Variants in SLC23A2 observed in about 807,000 individuals in gnomAD.
The protein encoded by SLC23A2 is solute carrier family 23 member 2.
In SLC23A2, 36 loss-of-function variants were observed where a neutral mutation model predicts 73.3. The observed-to-expected ratio is 0.49, with a 90% CI of 0.38 to 0.65. The LOEUF (loss-of-function observed/expected upper bound fraction) is 0.65, where lower values mean the gene tolerates loss of function less well. Among genes scored for constraint, SLC23A2 ranks in the 30% least tolerant of loss-of-function variants. SLC23A2 has a pLI of 0.00. For synonymous variants in SLC23A2, 343 were observed against 327.3 expected, an observed-to-expected ratio of 1.05 and a Z score of -0.52; for missense variants, 507 against 841.6, an observed-to-expected ratio of 0.60 and a Z score of 4.92.
chr20:5,006,705 T>G (rs1424058071), intron 1 of SLC23A2, among the ~76,000 whole-genome samples: 1 of 151,586 alleles, frequency 6.6e-6, no homozygotes, highest in Non-Finnish European at 1.5e-5. Flanking sequence ...CACCCCCCAC[T>G]AATTTTTGTA....
chr20:4,864,546 A>G (rs1930117769), intron 13 of SLC23A2, among the ~76,000 whole-genome samples: 1 of 152,246 alleles, frequency 6.6e-6, no homozygotes, highest in African/African-American at 2.4e-5. Flanking sequence ...TTACTATGGA[A>G]TAAGGAAGGC....
intron 4 of SLC23A2, among the ~76,000 whole-genome samples, chr20:4,910,672 G>A (rs887549283): frequency 1.3e-5 from 2 of 152,128 alleles, no homozygotes; most frequent in Admixed American, 6.5e-5. Context: ...CTGACCTCAA[G>A]TGATCCACCC....
chr20:4,995,993 G>A (rs954906100), intron 1 of SLC23A2, among the ~76,000 whole-genome samples: 31 of 152,166 alleles, frequency 2.0e-4, no homozygotes, highest in African/African-American at 7.5e-4. Flanking sequence ...TAATGGAACA[G>A]AATTCAAGAC....
At chr20:4,957,198 T>C (rs1286176496) in intron 2 of SLC23A2, among the ~76,000 whole-genome samples, 2 of 152,164 alleles carry the variant, frequency 1.3e-5, no homozygotes, top group Admixed American at 1.3e-4. Context: ...CTTATGCTTA[T>C]AATCCCAGTG....
At chr20:4,904,689 G>C (rs1931873561) in intron 4 of SLC23A2, among the ~76,000 whole-genome samples, 1 of 152,198 alleles carries the variant, frequency 6.6e-6, no homozygotes, top group African/African-American at 2.4e-5. Context: ...ACATGACAAA[G>C]TATTTCATAA....
intron 4 of SLC23A2, among the ~76,000 whole-genome samples, chr20:4,910,595 C>T (rs1000082995): frequency 6.6e-6 from 1 of 152,078 alleles, no homozygotes; most frequent in African/African-American, 2.4e-5. Flanking sequence ...GACACCCCTC[C>T]TGGCTAATTT....
chr20:4,895,785 C>T (rs1213846724), intron 6 of SLC23A2, among the ~76,000 whole-genome samples: 9 of 152,224 alleles, frequency 5.9e-5, no homozygotes, highest in Non-Finnish European at 8.8e-5. Flanking sequence ...CAGTATTGAT[C>T]TTGGTGAGCA....
chr20:4,890,817 A>G (rs1280671615), intron 6 of SLC23A2, among the ~76,000 whole-genome samples: 1 of 152,212 alleles, frequency 6.6e-6, no homozygotes, highest in Non-Finnish European at 1.5e-5. Flanking sequence ...ATGTGATTGT[A>G]CACATGGGTA....
At chr20:4,984,466 T>C (rs1009673328) in intron 1 of SLC23A2, among the ~76,000 whole-genome samples, 2 of 151,100 alleles carry the variant, frequency 1.3e-5, no homozygotes, top group Admixed American at 6.6e-5. Flanking sequence ...CGCAGGAGAA[T>C]GGCATGAACC....
At chr20:4,960,871 A>G (rs943904440) in intron 2 of SLC23A2, among the ~76,000 whole-genome samples, 1 of 152,218 alleles carries the variant, frequency 6.6e-6, no homozygotes, top group Non-Finnish European at 1.5e-5. Flanking sequence ...TCTAGCAGGT[A>G]AGTTTTCATT....
At chr20:4,957,608 A>G (rs1187275953) in intron 2 of SLC23A2, among the ~76,000 whole-genome samples, 1 of 151,634 alleles carries the variant, frequency 6.6e-6, no homozygotes, top group Non-Finnish European at 1.5e-5. Flanking sequence ...GAAAAGAAAA[A>G]AAACCCAACA....
intron 1 of SLC23A2, among the ~76,000 whole-genome samples, chr20:4,995,493 T>A (rs943445354): frequency 1.3e-5 from 2 of 152,206 alleles, no homozygotes; most frequent in African/African-American, 4.8e-5. Context: ...CTGACCCCCA[T>A]CACATCCTCA....
At chr20:4,926,228 C>G (rs917420616) in intron 3 of SLC23A2, among the ~76,000 whole-genome samples, 3 of 152,230 alleles carry the variant, frequency 2.0e-5, no homozygotes, top group African/African-American at 7.2e-5. Flanking sequence ...ATAATCTACT[C>G]TTGATACCCA....
In SLC23A2 at chr20:4,998,718, C is replaced by G. The variant is rs6053027; in HGVS notation, c.-282+2688G>C. Among the ~76,000 whole-genome samples the G allele has an allele frequency of 8.3e-4, 126 of 151,962 alleles. 1 individual carries two copies. The highest frequency in any genetic ancestry group is 3.4e-3 in the Middle Eastern group (1 of 290). ...TGTAAGATGTTTAAATTTAAAAAGC[C>G]TAAGAGGATTAAATATAAATACGTT... On this transcript the variant is annotated intron_variant, in intron 1 of 16. Transcript: ENST00000338244. The surrounding 1 kb of genome is among the most constrained non-coding windows in gnomAD (Gnocchi z 4.1).
chr20:4,918,352 T>C (rs750308166), intron 3 of SLC23A2, among the ~76,000 whole-genome samples: 11 of 152,190 alleles, frequency 7.2e-5, no homozygotes, highest in Non-Finnish European at 1.2e-4. Context: ...TAAACTAACA[T>C]TGTACAATCA....
chr20:4,895,630 G>A (rs1469450684), intron 6 of SLC23A2, among the ~76,000 whole-genome samples: 1 of 152,186 alleles, frequency 6.6e-6, no homozygotes, highest in Non-Finnish European at 1.5e-5. Flanking sequence ...GGCTCGAGGG[G>A]TCACTTGTCC....
chr20:4,984,752 A>T (rs1005531234), intron 1 of SLC23A2, among the ~76,000 whole-genome samples: 1 of 152,144 alleles, frequency 6.6e-6, no homozygotes, highest in Non-Finnish European at 1.5e-5. Context: ...AGCAGCAATA[A>T]CAGTTGTCAG....
intron 12 of SLC23A2, chr20:4,869,134 G>A (rs1930325378): frequency 6.6e-6 from 1 of 152,104 alleles, no homozygotes; most frequent in Non-Finnish European, 1.5e-5. Flanking sequence ...TTTTTGCAAT[G>A]TAGAAATAGC....
intron 3 of SLC23A2, among the ~76,000 whole-genome samples, chr20:4,917,190 G>A (rs1191788486): frequency 6.6e-6 from 1 of 152,188 alleles, no homozygotes; most frequent in Non-Finnish European, 1.5e-5. Context: ...GAACAGGAGT[G>A]CCACAATCAG....
Sources: gnomAD v4.1 joint callset for allele counts (sites outside exome capture counted in the v4.1 genomes callset) on GRCh38, gnomAD v4.1.1 for gene constraint, Gnocchi (gnomAD v3.1) non-coding constraint, MANE v1.5 for transcripts, NCBI Gene and HGNC (gene_info 2026-07-23, HGNC 2026-07-21) for gene names.